The following GTPBP1 variants were observed in gnomAD, a reference collection of about 807,000 sequenced individuals.
GTPBP1 encodes the protein GTP binding protein 1, also known as GTP-binding protein 1.
Under a neutral mutation model 62.0 loss-of-function variants are expected in GTPBP1, and 23 were observed. That is an observed-to-expected ratio of 0.37 (90% CI 0.27 to 0.53). The LOEUF is 0.53. Among genes scored for constraint, GTPBP1 ranks in the 20% least tolerant of loss-of-function variants. The pLI, the probability that GTPBP1 is intolerant of heterozygous loss-of-function variation, is 0.89. For synonymous variants in GTPBP1, 344 were observed against 364.4 expected (o/e 0.94, Z 0.64); for missense variants, 640 against 917.3 (o/e 0.70, Z 3.90).
At chr22:38,742,421 G>A (rs774177965), downstream of GTPBP1, 5 of 1,612,620 alleles carry the variant, frequency 3.1e-6, no homozygotes, top group Non-Finnish European at 2.5e-6. Context: ...CACCTCCCTG[G>A]CCAGGAGCCC....
chr22:38,742,652 A>G, downstream of GTPBP1: 1 of 1,460,104 alleles, frequency 6.8e-7, no homozygotes, highest in Non-Finnish European at 9.2e-7. Flanking sequence ...AAGAAAGGGA[A>G]AAGATTCCAG....
downstream of GTPBP1, chr22:38,740,410 C>G: frequency 6.4e-7 from 1 of 1,553,580 alleles, no homozygotes; most frequent in South Asian, 1.2e-5. The surrounding 1 kb of genome is among the most constrained non-coding windows in gnomAD (Gnocchi z 4.8). Flanking sequence ...ACAGAGCTCT[C>G]CTGGAAGGAC....
Position 38,730,569 on chromosome 22 carries a change from C to A in GTPBP1, c.1918-43C>A, listed in dbSNP as rs376333812. ...AGCACCTCTGCTCTCTGGCCCTGCT[C>A]CTGATGGGCCAGTGCTTCTCAAGCT... On this transcript the variant is annotated intron_variant, in intron 11 of 11. Transcript: ENST00000216044. This position sits in a 1 kb window ranked among gnomAD's most constrained non-coding sequence, Gnocchi z 5.6. 8 of 1,306,916 alleles carry A rather than the reference C, an allele frequency of 6.1e-6. No individual in the cohort carries two copies. The highest frequency in any genetic ancestry group is 1.7e-5 in the Admixed American group (1 of 59,460). 81.0% of individuals were successfully genotyped at this position (1,306,916 alleles called of 1,614,324 possible).
chr22:38,712,531 T>C (rs1053613016), intron 2 of GTPBP1, among the ~76,000 whole-genome samples: 4 of 151,996 alleles, frequency 2.6e-5, no homozygotes, highest in Non-Finnish European at 4.4e-5. Context: ...AGAATACATA[T>C]AAGAAAAGTG....
chr22:38,742,327 G>T (rs138708), downstream of GTPBP1: 1 of 1,605,728 alleles, frequency 6.2e-7, no homozygotes, highest in South Asian at 1.1e-5. Context: ...GTTTCCCTGC[G>T]GAAATCCTCC....
rs1328066552 is a variant in GTPBP1, at chr22:38,715,399, C to T, written c.305-508C>T. On this transcript the variant is annotated intron_variant, in intron 2 of 11. Coordinates refer to ENST00000216044, the MANE Select transcript of GTPBP1 (RefSeq NM_004286.5). ...GAACTTGCCATGATCTGCCACGCCA[C>T]GCTTTGTTCCTCTGGCTAGGATGTC... Among the ~76,000 whole-genome samples the T allele has an allele frequency of 5.9e-5, 9 of 152,184 alleles. No individual in the cohort carries two copies. In the East Asian group the frequency reaches 1.5e-3, roughly 26 times the overall value.
chr22:38,721,945 G>T, intron 5 of GTPBP1, 80 bp downstream of exon 5: 1 of 1,004,988 alleles, frequency 1.0e-6, no homozygotes. Flanking sequence ...CTGCTACCAC[G>T]GCTTTAGCCC....
In GTPBP1 at chr22:38,716,378, C is replaced by T. The variant is rs2092670607; in HGVS notation, c.486-274C>T. 1 of 586,840 alleles carries T rather than the reference C, an allele frequency of 1.7e-6. No individual in the cohort carries two copies. The highest frequency in any genetic ancestry group is 3.0e-6 in the Non-Finnish European group (1 of 330,934). 36.4% of individuals were successfully genotyped at this position (586,840 alleles called of 1,614,324 possible). ...GGTCATGGAGAAGAGCCTTTTGTGC[C>T]TCTGGTAGCCTTGCGGCTCTTCCTG... is the stretch of plus-strand genomic sequence containing the variant. On this transcript the variant is annotated intron_variant, in intron 3 of 11. Coordinates refer to ENST00000216044, the MANE Select transcript of GTPBP1 (RefSeq NM_004286.5). The surrounding 1 kb of genome is among the most constrained non-coding windows in gnomAD (Gnocchi z 5.2).
In GTPBP1 at chr22:38,726,852, A is replaced by G. The variant is rs958639910; in HGVS notation, c.1402-361A>G. 5.3e-5 allele frequency among the ~76,000 whole-genome samples: 8 copies of G among 152,146 alleles called. No individual in the cohort carries two copies. Among genetic ancestry groups the G allele is most frequent in the Admixed American group, 2.6e-4 (4 of 15,280 alleles). On this transcript the variant is annotated intron_variant, in intron 8 of 11. Coordinates refer to ENST00000216044, the MANE Select transcript of GTPBP1 (RefSeq NM_004286.5). The surrounding 1 kb of genome is among the most constrained non-coding windows in gnomAD (Gnocchi z 4.1). ...CAGGGGTCACCTACCTTTACCCACC[A>G]ACTAAATTAACCAGGAATAGTAGGA...
intron 5 of GTPBP1, chr22:38,722,708 T>C (rs542378300): frequency 5.6e-6 from 9 of 1,597,858 alleles, no homozygotes; most frequent in Non-Finnish European, 6.8e-6. Flanking sequence ...GTTTCTTCTC[T>C]GGGGTGAGAA....
intron 11 of GTPBP1, 148 bp downstream of exon 11, chr22:38,729,810 G>C (rs761507460): frequency 3.0e-4 from 153 of 508,208 alleles, no homozygotes; most frequent in Non-Finnish European, 4.6e-4. Context: ...TAAGAATGAG[G>C]CATTTGTCTC....
chr22:38,721,711 G>T, intron 4 of GTPBP1, 31 bp from the exon 5 acceptor site: 1 of 1,599,254 alleles, frequency 6.3e-7, no homozygotes, highest in Non-Finnish European at 8.6e-7. Context: ...TTTCTCTCTC[G>T]TCCTGACACT....
chr22:38,740,718 G>A (rs2092849292), downstream of GTPBP1: 1 of 585,092 alleles, frequency 1.7e-6, no homozygotes. This position sits in a 1 kb window ranked among gnomAD's most constrained non-coding sequence, Gnocchi z 4.8. Context: ...TCTGGGGCAT[G>A]AGAAGGCAGT....
chr22:38,708,831 G>A lies in GTPBP1; in HGVS notation c.193-14G>A. ...TAGCAAGTGTGGTCCTAAGGCTGTT[G>A]GTTTCTTTTCTAGCTGGTTCTAGTG... On this transcript the variant is annotated splice_polypyrimidine_tract_variant and intron_variant, in intron 1 of 11. Transcript: ENST00000216044. 1 of 1,459,502 alleles carries A rather than the reference G, an allele frequency of 6.9e-7. No homozygotes were observed. Among genetic ancestry groups the A allele is most frequent in the South Asian group, 1.1e-5 (1 of 87,986 alleles). The allele number at this position is 1,459,502 out of a possible 1,614,324, so 90.4% of individuals were successfully genotyped here. A position where few individuals can be genotyped will look rare whatever the true frequency, so the allele number is the denominator to read the frequency against.
chr22:38,709,408 A>G (rs1189404120), intron 2 of GTPBP1, among the ~76,000 whole-genome samples: 1 of 152,258 alleles, frequency 6.6e-6, no homozygotes, highest in Non-Finnish European at 1.5e-5. Context: ...AGTACATAAA[A>G]GTACAAAGTG....
intron 10 of GTPBP1, chr22:38,728,415 T>C: frequency 2.1e-6 from 1 of 478,832 alleles, no homozygotes; most frequent in South Asian, 2.7e-5. Context: ...GGTGACAGAA[T>C]GTCTGGGCCC....
At chr22:38,738,406 T>C (rs2092825832), downstream of GTPBP1, 3 of 1,102,280 alleles carry the variant, frequency 2.7e-6, no homozygotes, top group Non-Finnish European at 3.9e-6. The surrounding 1 kb of genome is among the most constrained non-coding windows in gnomAD (Gnocchi z 6.6). Context: ...TGTGCCACAG[T>C]TTCTGCCTCC....
intron 1 of GTPBP1, 122 bp downstream of exon 1, chr22:38,706,269 C>T (rs2092603773): frequency 3.5e-6 from 2 of 564,952 alleles, no homozygotes; most frequent in Non-Finnish European, 5.2e-6. Flanking sequence ...GAAGAAGGGG[C>T]CGAGCCCGCC....
rs928616872 is a variant in GTPBP1, at chr22:38,714,500, G to A, written c.305-1407G>A. On this transcript the variant is annotated intron_variant, in intron 2 of 11. Transcript: ENST00000216044. Reference sequence around the variant, plus strand: ...TCTCAAAAAAAAAAAAAAAAAAAAAGGCCACTGGTGGCATGTGACAACTGC... The same window carrying A: ...TCTCAAAAAAAAAAAAAAAAAAAAAAGCCACTGGTGGCATGTGACAACTGC... Among the ~76,000 whole-genome samples the A allele has an allele frequency of 2.5e-3, 329 of 131,396 alleles. 1 individual carries two copies. Among genetic ancestry groups the A allele is most frequent in the African/African-American group, 9.6e-3 (307 of 32,018 alleles). The allele number at this position is 131,396 out of a possible 152,430, so 86.2% of individuals were successfully genotyped here. A position where few individuals can be genotyped will look rare whatever the true frequency, so the allele number is the denominator to read the frequency against.
Sources: allele counts gnomAD v4.1 joint callset (sites outside exome capture counted in the v4.1 genomes callset), GRCh38; gene constraint gnomAD v4.1.1; non-coding constraint Gnocchi (gnomAD v3.1); transcripts MANE v1.5; gene names NCBI Gene and HGNC (gene_info 2026-07-23, HGNC 2026-07-21).